Variants in ZFAT observed in about 807,000 individuals in gnomAD.
ZFAT encodes the protein zinc finger and AT-hook domain containing, also known as zinc finger protein ZFAT.
Under a neutral mutation model 117.7 loss-of-function variants are expected in ZFAT, and 64 were observed. The ratio of observed to expected loss-of-function variants is 0.54; its 90% CI spans 0.44 to 0.67. ZFAT has a LOEUF of 0.67. Ranked by LOEUF, ZFAT falls within the 30% of genes least tolerant of loss-of-function variation. ZFAT has a pLI of 0.00. For missense variants in ZFAT, 1,433 were observed against 1,584.5 expected, an observed-to-expected ratio of 0.90 and a Z score of 1.62; for synonymous variants, 679 against 615.0, an observed-to-expected ratio of 1.10 and a Z score of -1.54.
At chr8:134,800,749 AG>A in the ZFAT span, 1 of 309,664 alleles carries the variant, frequency 3.2e-6, no homozygotes, top group Admixed American at 4.3e-5. Context: ...GTAGAATCCA[AG>A]GAAAAGGCAG....
Position 134,526,427 on chromosome 8 carries a change from C to T in ZFAT, c.3116-5426G>A, listed in dbSNP as rs556781173. ...TTAGGCAATGCACAGTAAAGGTCAA[C>T]GGAAGACTTGGTGAATTTACTCATG... On this transcript the variant is annotated intron_variant, in intron 12 of 15. Coordinates refer to ENST00000377838, the MANE Select transcript of ZFAT (RefSeq NM_020863.4). 7.2e-5 allele frequency among the ~76,000 whole-genome samples: 11 copies of T among 152,296 alleles called. 1 individual carries two copies. Among genetic ancestry groups the T allele is most frequent in the Admixed American group, 2.0e-4 (3 of 15,300 alleles).
At chr8:134,809,956 GCTAA>G in the ZFAT span, among the ~76,000 whole-genome samples, 1 of 152,116 alleles carries the variant, frequency 6.6e-6, no homozygotes, top group Non-Finnish European at 1.5e-5. Flanking sequence ...AACACATAGA[GCTAA>G]CTGAGTGTTA....
the ZFAT span, among the ~76,000 whole-genome samples, chr8:134,752,821 C>A: frequency 3.9e-5 from 6 of 151,958 alleles, no homozygotes; most frequent in African/African-American, 9.7e-5. Flanking sequence ...TCTTATAATC[C>A]GATTATAAGG....
chr8:134,622,193 A>G (rs16905201), intron 3 of ZFAT, among the ~76,000 whole-genome samples: 9,926 of 152,240 alleles, frequency 0.065, 1,107 homozygotes, highest in African/African-American at 0.23. Flanking sequence ...TGTATTAATC[A>G]TGAGCTGCGA....
At chr8:134,761,022 C>T in the ZFAT span, among the ~76,000 whole-genome samples, 2 of 152,152 alleles carry the variant, frequency 1.3e-5, no homozygotes, top group Non-Finnish European at 2.9e-5. Flanking sequence ...TATAGTCTTT[C>T]CTGGTCTTTT....
At chr8:134,509,473 G>C (rs1819651687) in intron 15 of ZFAT, 146 bp downstream of exon 15, 1 of 1,071,576 alleles carries the variant, frequency 9.3e-7, no homozygotes, top group South Asian at 1.6e-5. Flanking sequence ...TGAGATCAGA[G>C]GTAGAATAAG....
At chr8:134,787,771 T>C in the ZFAT span, among the ~76,000 whole-genome samples, 1 of 151,998 alleles carries the variant, frequency 6.6e-6, no homozygotes, top group Non-Finnish European at 1.5e-5. Flanking sequence ...GACTTCCAAG[T>C]CATGAACATG....
chr8:134,626,209 T>A (rs965639770), intron 3 of ZFAT, among the ~76,000 whole-genome samples: 5 of 152,068 alleles, frequency 3.3e-5, no homozygotes, highest in African/African-American at 4.8e-5. Context: ...AAGACATCAC[T>A]GCCAACAGGA....
chr8:134,602,968 A>G (rs762560942), intron 5 of ZFAT, 35 bp from the exon 6 acceptor site: 6 of 1,565,880 alleles, frequency 3.8e-6, no homozygotes, highest in Non-Finnish European at 4.3e-6. Context: ...ACATCTGGAG[A>G]CCTTGAATGT....
At chr8:134,798,601 T>A in the ZFAT span, among the ~76,000 whole-genome samples, 1 of 152,136 alleles carries the variant, frequency 6.6e-6, no homozygotes, top group Non-Finnish European at 1.5e-5. Flanking sequence ...AAGTACAACA[T>A]AGTTTCATGT....
chr8:134,670,016 T>C (rs1208988786), intron 1 of ZFAT, among the ~76,000 whole-genome samples: 1 of 152,212 alleles, frequency 6.6e-6, no homozygotes, highest in East Asian at 1.9e-4. Flanking sequence ...GGCCAGTACA[T>C]AATGGTAAAG....
chr8:134,668,766 G>A (rs4371964), intron 1 of ZFAT, among the ~76,000 whole-genome samples: 54,491 of 152,086 alleles, frequency 0.36, 9,796 homozygotes, highest in South Asian at 0.4. Context: ...TGACTTTGAC[G>A]AGTTGAGAGA....
At chr8:134,800,547 C>T in the ZFAT span, 1 of 515,704 alleles carries the variant, frequency 1.9e-6, no homozygotes, top group South Asian at 1.4e-5. Flanking sequence ...AAACATCCAC[C>T]TCCCAGCCAA....
At chr8:134,499,346 A>C (rs13253649) in intron 15 of ZFAT, among the ~76,000 whole-genome samples, 172 of 76,026 alleles carry the variant, frequency 2.3e-3, no homozygotes, top group Middle Eastern at 9.4e-3. Context: ...GGGATGCCCC[A>C]GCTGCTGGTT....
intron 14 of ZFAT, chr8:134,510,236 T>A (rs529167432): frequency 2.3e-6 from 1 of 436,374 alleles, no homozygotes; most frequent in South Asian, 1.6e-5. Flanking sequence ...GCTTTGGAAC[T>A]CCAAACCAAT....
the ZFAT span, among the ~76,000 whole-genome samples, chr8:134,801,191 C>G: frequency 6.6e-6 from 1 of 152,108 alleles, no homozygotes; most frequent in Non-Finnish European, 1.5e-5. Flanking sequence ...TCTTCTCCCC[C>G]ACATTCAGAA....
the ZFAT span, among the ~76,000 whole-genome samples, chr8:134,830,905 T>A: frequency 2.6e-5 from 4 of 152,314 alleles, no homozygotes; most frequent in South Asian, 8.3e-4. Context: ...GGTAAACAGG[T>A]AGCATACACA....
At chr8:134,706,428 C>T (rs1339711699) in intron 1 of ZFAT, among the ~76,000 whole-genome samples, 2 of 152,110 alleles carry the variant, frequency 1.3e-5, no homozygotes, top group Admixed American at 6.5e-5. Flanking sequence ...TGGTGGCTCA[C>T]GCCTGTAACC....
At chr8:134,597,878 T>G (rs1827085944) in intron 7 of ZFAT, 1 of 152,262 alleles carries the variant, frequency 6.6e-6, no homozygotes, top group Non-Finnish European at 1.5e-5. Context: ...ATCTCTTTTG[T>G]AAGGTCAACT....
Sources: gnomAD v4.1 joint callset for allele counts (sites outside exome capture counted in the v4.1 genomes callset) on GRCh38, gnomAD v4.1.1 for gene constraint, MANE v1.5 for transcripts, NCBI Gene and HGNC (gene_info 2026-07-23, HGNC 2026-07-21) for gene names.